The following HNRNPF variants were observed in gnomAD, a reference collection of about 807,000 sequenced individuals.
The protein encoded by HNRNPF is HnRNP F protein.
HNRNPF carries 2 observed loss-of-function variants against 26.0 expected under a neutral mutation model. The ratio of observed to expected loss-of-function variants is 0.08; its 90% CI spans 0.03 to 0.24. The LOEUF (loss-of-function observed/expected upper bound fraction) is 0.24, where lower values mean the gene tolerates loss of function less well. Among genes scored for constraint, HNRNPF ranks in the 10% least tolerant of loss-of-function variants. The pLI, the probability that HNRNPF is intolerant of heterozygous loss-of-function variation, is 1.00. For synonymous variants in HNRNPF, 234 were observed against 211.5 expected (o/e 1.11, Z -0.92); for missense variants, 299 against 539.2 (o/e 0.55, Z 4.41).
At chr10:43,407,405 C>T (rs2131995719) in intron 1 of HNRNPF, among the ~76,000 whole-genome samples, 1 of 152,258 alleles carries the variant, frequency 6.6e-6, no homozygotes, top group South Asian at 2.1e-4. Flanking sequence ...CTCCTTCCAC[C>T]CTCCGCCGGG....
At chr10:43,397,524 G>T (rs1480646412) in intron 1 of HNRNPF, among the ~76,000 whole-genome samples, 1 of 152,220 alleles carries the variant, frequency 6.6e-6, no homozygotes, top group African/African-American at 2.4e-5. Context: ...GTGCAGAGTG[G>T]AAGAGAAGCC....
At chr10:43,398,036 GTT>G (rs375494267) in intron 1 of HNRNPF, among the ~76,000 whole-genome samples, 1 of 151,856 alleles carries the variant, frequency 6.6e-6, no homozygotes, top group South Asian at 2.1e-4. Context: ...TGTTTGGTTG[GTT>G]TTTTTTGAGA....
Position 43,386,847 on chromosome 10 carries a change from G to A in HNRNPF, c.1038C>T (p.Ser346=), listed in dbSNP as rs1300404145. The A allele has an allele frequency of 6.2e-7, 1 of 1,614,126 alleles. No homozygotes were observed. Among genetic ancestry groups the A allele is most frequent in the Non-Finnish European group, 8.5e-7 (1 of 1,180,014 alleles). ...TGTGCTGCATATTGGCCCTGTCTTTGGACATAGCTGCCACAGCTTCTTCAT... is the reference window on the plus strand; with the variant it reads ...TGTGCTGCATATTGGCCCTGTCTTTAGACATAGCTGCCACAGCTTCTTCAT... ...ATHEEAVAAM[S]KDRANMQHRY... The change falls in exon 4 of 4, where the codon TCC becomes TCT. Residue 346 remains serine (S), a synonymous_variant. Transcript: ENST00000682386.
chr10:43,394,754 G>T (rs1028460757), intron 2 of HNRNPF, 66 bp from the exon 3 acceptor site: 2 of 152,042 alleles, frequency 1.3e-5, no homozygotes, highest in Non-Finnish European at 2.9e-5. Flanking sequence ...TCTGGGATCA[G>T]AACTCCAGGT....
intron 1 of HNRNPF, among the ~76,000 whole-genome samples, chr10:43,405,967 TTGGG>T (rs2131993120): frequency 6.6e-6 from 1 of 152,048 alleles, no homozygotes; most frequent in African/African-American, 2.4e-5. Context: ...TGGGACCCAG[TTGGG>T]ACTGGGTCCC....
intron 1 of HNRNPF, chr10:43,396,897 A>AGGGGAG (rs1554789855): frequency 7.4e-4 from 1 of 1,358 alleles, no homozygotes; most frequent in Admixed American, 4.5e-3. Flanking sequence ...CGGGAGGGGG[A>AGGGGAG]GGGGAGGGGA....
In HNRNPF at chr10:43,392,927, G is replaced by A. The variant is rs902805161; in HGVS notation, c.-53+1703C>T. ...AACTAAACCTCACATTCTCTCTTCTGTCACACTCCAATAGCAACATGACTG... is the reference window on the plus strand; with the variant it reads ...AACTAAACCTCACATTCTCTCTTCTATCACACTCCAATAGCAACATGACTG... On this transcript the variant is annotated intron_variant, in intron 3 of 3. Transcript: ENST00000682386. Among the ~76,000 whole-genome samples the A allele has an allele frequency of 5.3e-5, 8 of 152,148 alleles. 1 individual carries two copies. Among genetic ancestry groups the A allele is most frequent in the Non-Finnish European group, 1.5e-5 (1 of 68,032 alleles).
chr10:43,390,470 T>C (rs774081237), intron 3 of HNRNPF, among the ~76,000 whole-genome samples: 6 of 152,066 alleles, frequency 3.9e-5, no homozygotes, highest in Non-Finnish European at 5.9e-5. Flanking sequence ...CCTCCAATGA[T>C]TTCACCATTC....
At chr10:43,389,661 C>T (rs1169104342) in intron 3 of HNRNPF, among the ~76,000 whole-genome samples, 2 of 152,204 alleles carry the variant, frequency 1.3e-5, no homozygotes, top group East Asian at 1.9e-4. Context: ...CTCCCAATAA[C>T]AAGCATAATG....
At chr10:43,390,162 C>T (rs1838186248) in intron 3 of HNRNPF, among the ~76,000 whole-genome samples, 1 of 152,198 alleles carries the variant, frequency 6.6e-6, no homozygotes, top group Admixed American at 6.5e-5. Context: ...TCTGTGCTAA[C>T]AGTTCAGAAG....
At chr10:43,390,368 CTCGAG>C (rs1312499382) in intron 3 of HNRNPF, among the ~76,000 whole-genome samples, 1 of 152,192 alleles carries the variant, frequency 6.6e-6, no homozygotes, top group Non-Finnish European at 1.5e-5. Context: ...GAAGGCCTCC[CTCGAG>C]TTCTGTTCCT....
Position 43,386,916 on chromosome 10 carries a change from T to C in HNRNPF, c.969A>G (p.Pro323=). The C allele has an allele frequency of 6.2e-7, 1 of 1,614,220 alleles. No individual in the cohort carries two copies. Among genetic ancestry groups the C allele is most frequent in the Non-Finnish European group, 8.5e-7 (1 of 1,180,040 alleles). Residue 323 remains proline, a synonymous_variant, in exon 4 of 4, where the codon CCA becomes CCG. Transcript: ENST00000682386. ...CTGCTTCACCCGTCACTCTTCCATC[T>C]GGGCCAATCTCAATATGGACTCTCA... ...NPVRVHIEIG[P]DGRVTGEADV... is the part of the protein sequence containing the mutation.
At chr10:43,407,001 A>G (rs1418143237) in intron 1 of HNRNPF, among the ~76,000 whole-genome samples, 1 of 152,226 alleles carries the variant, frequency 6.6e-6, no homozygotes, top group Non-Finnish European at 1.5e-5. Context: ...TCTTTCACCT[A>G]CCTGGAGAAC....
At chr10:43,397,799 TTTG>T (rs974888901) in intron 1 of HNRNPF, among the ~76,000 whole-genome samples, 21 of 152,334 alleles carry the variant, frequency 1.4e-4, no homozygotes, top group Admixed American at 1.3e-3. Context: ...AATTGTAAAT[TTTG>T]TTGTCATTAT....
chr10:43,388,337 A>G (rs1347603219), intron 3 of HNRNPF, among the ~76,000 whole-genome samples: 2 of 152,130 alleles, frequency 1.3e-5, no homozygotes, highest in East Asian at 3.8e-4. Context: ...CTGCTTGTCT[A>G]TGGTAGGATA....
intron 3 of HNRNPF, among the ~76,000 whole-genome samples, chr10:43,390,298 C>T (rs1448640460): frequency 6.6e-6 from 1 of 152,196 alleles, no homozygotes; most frequent in Non-Finnish European, 1.5e-5. Flanking sequence ...GGCTAGGCAC[C>T]GCCTGTCCTT....
intron 1 of HNRNPF, among the ~76,000 whole-genome samples, chr10:43,402,909 C>T (rs1454632897): frequency 1.0e-4 from 15 of 149,966 alleles, no homozygotes; most frequent in Admixed American, 8.0e-4. Context: ...TTTTTTTAAA[C>T]GGGGTCTTGC....
rs1170890391 is a variant in HNRNPF, at chr10:43,386,433, GAA to G, written c.*202_*203del. The G allele has an allele frequency of 3.7e-5, 19 of 514,736 alleles. No individual in the cohort carries two copies. Among genetic ancestry groups the G allele is most frequent in the Non-Finnish European group, 6.8e-6 (2 of 295,172 alleles). 31.9% of individuals were successfully genotyped at this position (514,736 alleles called of 1,614,324 possible). On this transcript the variant is annotated 3_prime_UTR_variant, in exon 4 of 4. Transcript: ENST00000682386. ...ACCAAAATGTTAATTGAGAAAAGCT[GAA>G]AATAGTTTTAGTTTACTCATTATCA...
chr10:43,405,936 G>A (rs1281772247), intron 1 of HNRNPF, among the ~76,000 whole-genome samples: 3 of 152,106 alleles, frequency 2.0e-5, no homozygotes, highest in Non-Finnish European at 4.4e-5. Flanking sequence ...CCTGGCAGGG[G>A]AGGGGTGTCC....
Sources: allele counts gnomAD v4.1 joint callset (sites outside exome capture counted in the v4.1 genomes callset), GRCh38; gene constraint gnomAD v4.1.1; transcripts MANE v1.5; gene names NCBI Gene and HGNC (gene_info 2026-07-23, HGNC 2026-07-21).